Variants in COL1A1 observed in about 807,000 individuals in gnomAD.
COL1A1 encodes collagen type I alpha 1 chain.
A neutral mutation model predicts 195.7 loss-of-function variants in COL1A1; 21 were observed. The ratio of observed to expected loss-of-function variants is 0.11; its 90% CI spans 0.08 to 0.15. The LOEUF (loss-of-function observed/expected upper bound fraction) is 0.15, where lower values mean the gene tolerates loss of function less well. Among genes scored for constraint, COL1A1 ranks in the 10% least tolerant of loss-of-function variants. The probability of loss-of-function intolerance (pLI) is 1.00; values close to 1 mark genes in which losing one functional copy is unlikely to be tolerated. For missense variants in COL1A1, 1,365 were observed against 2,051.0 expected, an observed-to-expected ratio of 0.67 and a Z score of 6.46; for synonymous variants, 749 against 747.3, an observed-to-expected ratio of 1.00 and a Z score of -0.04.
In COL1A1 at chr17:50,195,955, G is replaced by A; in HGVS notation, c.1024C>T (p.Pro342Ser). ...GPPGPTGPAG[P>S]PGFPGAVGAK... Reference sequence around the variant, plus strand: ...CCAACAGCACCAGGGAAGCCAGGAGGACCAGCGGGGCCGGTGGGACCCTGT... The same window carrying A: ...CCAACAGCACCAGGGAAGCCAGGAGAACCAGCGGGGCCGGTGGGACCCTGT... Residue 342 changes from proline to serine, a missense_variant, in exon 16 of 51, where the codon CCT becomes TCT. Physicochemically the swap from Pro to Ser is moderately conservative, Grantham distance 74 (BLOSUM62 -1). This residue lies in a region of COL1A1 where 226 missense variants were observed against 372.9 expected (regional missense o/e 0.61). Transcript: ENST00000225964. This position sits in a 1 kb window ranked among gnomAD's most constrained non-coding sequence, Gnocchi z 4.3. 4 of 1,594,266 alleles carry A rather than the reference G, an allele frequency of 2.5e-6. No individual in the cohort carries two copies. The highest frequency in any genetic ancestry group is 3.4e-6 in the Non-Finnish European group (4 of 1,170,034).
intron 25 of COL1A1, among the ~76,000 whole-genome samples, chr17:50,193,295 C>G (rs1465137237): frequency 3.3e-5 from 5 of 152,098 alleles, no homozygotes; most frequent in Non-Finnish European, 5.9e-5. Flanking sequence ...CTGCAAAGGG[C>G]TTTCATCTTC....
Position 50,199,964 on chromosome 17 carries a change from AG to A in COL1A1, c.104-18del, listed in dbSNP as rs1567765019. 1 of 1,613,826 alleles carries A rather than the reference AG, an allele frequency of 6.2e-7. No homozygotes were observed. The highest frequency in any genetic ancestry group is 1.7e-5 in the Admixed American group (1 of 60,032). ...TTGGTGGGACTGGGACAGGCGGAAG[AG>A]GGGCGTTGTCAGTAGTGACTGCAAC... On this transcript the variant is annotated intron_variant, in intron 1 of 50. Coordinates refer to ENST00000225964, the MANE Select transcript of COL1A1 (RefSeq NM_000088.4).
chr17:50,199,231 C>A lies in COL1A1; in HGVS notation c.466G>T (p.Gly156Ter). ...CACAAGGCCTCTCCACTTACTCCTC[C>A]GAGGCCAGGGGGTCCGGGAGGTCCG... ...PPGPPGPPGL[G>*]GNFAPQLSYG... Residue 156 changes from glycine to a stop codon, truncating the protein, a stop_gained, in exon 5 of 51, where the codon GGA becomes TGA. Coordinates refer to ENST00000225964, the MANE Select transcript of COL1A1 (RefSeq NM_000088.4). LOFTEE classifies it high-confidence loss of function. 1 of 1,461,870 alleles carries A rather than the reference C, an allele frequency of 6.8e-7. No individual in the cohort carries two copies. The highest frequency in any genetic ancestry group is 9.1e-7 in the Non-Finnish European group (1 of 1,103,702). 90.6% of individuals were successfully genotyped at this position (1,461,870 alleles called of 1,614,324 possible). A position where few individuals can be genotyped will look rare whatever the true frequency, so the allele number is the denominator to read the frequency against.
intron 1 of COL1A1, among the ~76,000 whole-genome samples, chr17:50,200,862 G>C (rs1424038932): frequency 2.0e-5 from 3 of 152,168 alleles, no homozygotes; most frequent in Non-Finnish European, 4.4e-5. Context: ...ACCGGGAGAC[G>C]CAGTGCTCAG....
intron 10 of COL1A1, 33 bp downstream of exon 10, chr17:50,197,147 G>T (rs894539065): frequency 3.1e-6 from 5 of 1,613,938 alleles, no homozygotes; most frequent in Non-Finnish European, 4.2e-6. Context: ...CAAGTGCAGT[G>T]AAGCCCAGGT....
chr17:50,186,911 G>A lies in COL1A1; in HGVS notation c.3543C>T (p.Gly1181=), dbSNP rs767894727. The change falls in exon 48 of 51, where the codon GGC becomes GGT. Residue 1181 remains glycine, a synonymous_variant. Coordinates refer to ENST00000225964, the MANE Select transcript of COL1A1 (RefSeq NM_000088.4). This position sits in a 1 kb window ranked among gnomAD's most constrained non-coding sequence, Gnocchi z 5.3. ...CAGGGGGACCAGGAGGTCCAGGAGG[G>A]CCGGGGGGACCCTGCACAGAGAGGG... The part of the protein sequence containing the change: ...TGDAGPVGPP[G]PPGPPGPPGP... 4.3e-6 allele frequency: 7 copies of A among 1,613,600 alleles called. No individual in the cohort carries two copies. The highest frequency in any genetic ancestry group is 4.0e-5 in the African/African-American group (3 of 74,874).
Position 50,185,292 on chromosome 17 carries a change from A to G in COL1A1, c.*210T>C. The G allele has an allele frequency of 4.0e-6, 1 of 249,922 alleles. No individual in the cohort carries two copies. The highest frequency in any genetic ancestry group is 6.9e-6 in the Non-Finnish European group (1 of 145,052). The allele number at this position is 249,922 out of a possible 1,614,324, so 15.5% of individuals were successfully genotyped here. ...TTTTTTTTTTGGTAAGGTTGAATGC[A>G]CTTTTGGTTTTTGGTCATGTTCGGT... On this transcript the variant is annotated 3_prime_UTR_variant, in exon 51 of 51. Coordinates refer to ENST00000225964, the MANE Select transcript of COL1A1 (RefSeq NM_000088.4).
rs930031912 is a variant in COL1A1 at position 50,192,770 on chromosome 17, C to T, written c.1875+27G>A. ...GAGGGTGTCTCCCCTTTTCTGCTCC[C>T]CAGATCTCCCCATCAGGGACACTCA... On this transcript the variant is annotated intron_variant, in intron 27 of 50. Transcript: ENST00000225964. The T allele has an allele frequency of 7.4e-6, 12 of 1,613,920 alleles. No individual in the cohort carries two copies. The African/African-American group carries it at 1.2e-4, about 16-fold the overall frequency.
In COL1A1 at chr17:50,190,506, G is replaced by A. The variant is rs775132104; in HGVS notation, c.2397+37C>T. ...GGGTGCTGTGTGAAGGGAGGGAAGG[G>A]CCAAGTATGGGGTCTTAACAGGTCT... On this transcript the variant is annotated intron_variant, in intron 34 of 50. Coordinates refer to ENST00000225964, the MANE Select transcript of COL1A1 (RefSeq NM_000088.4). The surrounding 1 kb of genome is among the most constrained non-coding windows in gnomAD (Gnocchi z 4.7). 3 of 1,611,816 alleles carry A rather than the reference G, an allele frequency of 1.9e-6. No individual in the cohort carries two copies. The highest frequency in any genetic ancestry group is 1.7e-5 in the Admixed American group (1 of 59,962).
intron 2 of COL1A1, 42 bp downstream of exon 2, chr17:50,199,707 CCCCA>C (rs1907909271): frequency 9.2e-6 from 2 of 217,622 alleles, no homozygotes; most frequent in African/African-American, 2.5e-5. Context: ...CAGCCCCAGG[CCCCA>C]GGCCCCAGGC....
At chr17:50,198,588 T>C in intron 5 of COL1A1, 84 bp from the exon 6 acceptor site, 1 of 1,051,306 alleles carries the variant, frequency 9.5e-7, no homozygotes, top group Non-Finnish European at 1.5e-6. Context: ...ACTGACATCA[T>C]GCACTTCCTG....
chr17:50,186,865 C>T lies in COL1A1; in HGVS notation c.3589G>A (p.Asp1197Asn). 3 of 1,614,016 alleles carry T rather than the reference C, an allele frequency of 1.9e-6. No homozygotes were observed. Among genetic ancestry groups the T allele is most frequent in the Non-Finnish European group, 1.7e-6 (2 of 1,180,022 alleles). Residue 1197 changes from aspartate to asparagine, a missense_variant, in exon 48 of 51, where the codon GAC (aspartate) becomes AAC (asparagine). Asp to Asn is a conservative substitution (Grantham distance 23). This residue lies in a region of COL1A1 where 671 missense variants were observed against 1,099.9 expected (regional missense o/e 0.61). Coordinates refer to ENST00000225964, the MANE Select transcript of COL1A1 (RefSeq NM_000088.4). The surrounding 1 kb of genome is among the most constrained non-coding windows in gnomAD (Gnocchi z 5.3). ...GPPGPPSAGF[D>N]FSFLPQPPQE... ...GGTGGCTGGGGCAGGAAGCTGAAGT[C>T]GAAACCAGCGCTGGGAGGACCAGGG... is the stretch of plus-strand genomic sequence containing the variant.
chr17:50,186,629 C>A lies in COL1A1; in HGVS notation c.3814+11G>T. On this transcript the variant is annotated intron_variant, in intron 48 of 50. Transcript: ENST00000225964. The surrounding 1 kb of genome is among the most constrained non-coding windows in gnomAD (Gnocchi z 5.3). ...AGTAGGAGGGAGGGAGAGGCTAGGG[C>A]AGGCCCTCACCACTCTTCCAGTCAG... The A allele has an allele frequency of 6.2e-7, 1 of 1,613,452 alleles. No individual in the cohort carries two copies. Among genetic ancestry groups the A allele is most frequent in the Non-Finnish European group, 8.5e-7 (1 of 1,179,998 alleles).
chr17:50,191,940 C>T (rs777869109), intron 30 of COL1A1, 40 bp downstream of exon 30: 43 of 1,610,180 alleles, frequency 2.7e-5, no homozygotes, highest in Non-Finnish European at 3.4e-5. Flanking sequence ...GGGCCAAGTA[C>T]GACGCACCTT....
chr17:50,195,749 G>T lies in COL1A1; in HGVS notation c.1057-84C>A. The T allele has an allele frequency of 1.4e-6, 2 of 1,428,640 alleles. No homozygotes were observed. The highest frequency in any genetic ancestry group is 2.4e-5 in the East Asian group (1 of 42,204). 88.5% of individuals were successfully genotyped at this position (1,428,640 alleles called of 1,614,324 possible). ...GGGATGGCAGGAGGAAGGGGAGACA[G>T]GGACAGGAGAGCAATGATCAGGACT... On this transcript the variant is annotated intron_variant, in intron 16 of 50. Transcript: ENST00000225964. This position sits in a 1 kb window ranked among gnomAD's most constrained non-coding sequence, Gnocchi z 4.3.
At position 50,199,793 on chromosome 17, in the gene COL1A1, G is replaced by A. The variant is rs773763288; in HGVS notation, c.258C>T (p.Val86=). 1.9e-6 allele frequency: 3 copies of A among 1,613,830 alleles called. No individual in the cohort carries two copies. Among genetic ancestry groups the A allele is most frequent in the Non-Finnish European group, 2.5e-6 (3 of 1,179,980 alleles). The change falls in exon 2 of 51, where the codon GTC becomes GTT. Residue 86 remains valine (V), a synonymous_variant. Coordinates refer to ENST00000225964, the MANE Select transcript of COL1A1 (RefSeq NM_000088.4). The part of the protein sequence containing the change: ...DETKNCPGAE[V]PEGECCPVCP... ...AGACGGGACAGCACTCGCCCTCGGGGACTTCGGCGCCGGGGCAGTTCTTGG... is the reference window on the plus strand; with the variant it reads ...AGACGGGACAGCACTCGCCCTCGGGAACTTCGGCGCCGGGGCAGTTCTTGG...
chr17:50,194,701 G>A lies in COL1A1; in HGVS notation c.1461+20C>T. On this transcript the variant is annotated intron_variant, in intron 21 of 50. Transcript: ENST00000225964. The surrounding 1 kb of genome is among the most constrained non-coding windows in gnomAD (Gnocchi z 6.8). ...CAGGCAATGAGGGTGGAGCGGGAGG[G>A]GGCGGGCAGGGACACTTACACGCTC... is the stretch of plus-strand genomic sequence containing the variant. The A allele has an allele frequency of 6.4e-7, 1 of 1,560,574 alleles. No individual in the cohort carries two copies. Among genetic ancestry groups the A allele is most frequent in the Non-Finnish European group, 8.7e-7 (1 of 1,151,664 alleles).
Position 50,188,319 on chromosome 17 carries a change from G to A in COL1A1, c.3208-170C>T. 3 of 848,028 alleles carry A rather than the reference G, an allele frequency of 3.5e-6. No individual in the cohort carries two copies. Among genetic ancestry groups the A allele is most frequent in the Non-Finnish European group, 3.6e-6 (2 of 548,646 alleles). 52.5% of individuals were successfully genotyped at this position (848,028 alleles called of 1,614,324 possible). A position where few individuals can be genotyped will look rare whatever the true frequency, so the allele number is the denominator to read the frequency against. The stretch of plus-strand genomic sequence containing the variant: ...CCACTGCAATCTTCACGGGAGCTGG[G>A]GCCAACTCATGGGAGAGGCGGTCCT... On this transcript the variant is annotated intron_variant, in intron 43 of 50. Coordinates refer to ENST00000225964, the MANE Select transcript of COL1A1 (RefSeq NM_000088.4). This position sits in a 1 kb window ranked among gnomAD's most constrained non-coding sequence, Gnocchi z 5.6.
rs1457054254 is a variant in COL1A1, at chr17:50,196,467, GA to G, written c.903+16del. 2 of 1,614,126 alleles carry G rather than the reference GA, an allele frequency of 1.2e-6. No individual in the cohort carries two copies. The highest frequency in any genetic ancestry group is 4.5e-5 in the East Asian group (2 of 44,888). Reference sequence around the variant, plus strand: ...CCTCCTGCCCCATCCCTGCCCTCTGGAACTGGGCACACTCACCATCTGACCA... The same window carrying G: ...CCTCCTGCCCCATCCCTGCCCTCTGGACTGGGCACACTCACCATCTGACCA... On this transcript the variant is annotated intron_variant, in intron 13 of 50. Transcript: ENST00000225964.
Sources: allele counts gnomAD v4.1 joint callset (sites outside exome capture counted in the v4.1 genomes callset), GRCh38; gene constraint gnomAD v4.1.1; regional missense constraint gnomAD v4.1.1; non-coding constraint Gnocchi (gnomAD v3.1); transcripts MANE v1.5; gene names NCBI Gene and HGNC (gene_info 2026-07-23, HGNC 2026-07-21).